LRRC28: variants seen among roughly 807,000 people sequenced by gnomAD.
LRRC28 encodes leucine-rich repeat-containing protein 28.
In LRRC28, 39 loss-of-function variants were observed where a neutral mutation model predicts 45.7. That is an observed-to-expected ratio of 0.85 (90% CI 0.66 to 1.12). The LOEUF is 1.12. LRRC28 is among the 50% of genes most tolerant of loss of function. The pLI is 0.00. For synonymous variants in LRRC28, 206 were observed against 178.8 expected, an observed-to-expected ratio of 1.15 and a Z score of -1.22; for missense variants, 435 against 438.5, an observed-to-expected ratio of 0.99 and a Z score of 0.07.
At position 99,386,646 on chromosome 15, in the gene LRRC28, T is replaced by C. The variant is rs1958001074; in HGVS notation, c.*544T>C. On this transcript the variant is annotated 3_prime_UTR_variant, in exon 10 of 10. Transcript: ENST00000301981. ...AGTTGGCAGCAAAGTGAGGCTCCCA[T>C]GGAGGCTCAGTGAGGGTCCCAGAGC... The C allele has an allele frequency of 6.5e-6, 1 of 152,774 alleles. No homozygotes were observed. The highest frequency in any genetic ancestry group is 1.5e-5 in the Non-Finnish European group (1 of 68,530). 9.5% of individuals were successfully genotyped at this position (152,774 alleles called of 1,614,324 possible). A position where few individuals can be genotyped will look rare whatever the true frequency, so the allele number is the denominator to read the frequency against.
At chr15:99,308,736 G>A (rs1177067552) in intron 5 of LRRC28, among the ~76,000 whole-genome samples, 1 of 152,132 alleles carries the variant, frequency 6.6e-6, no homozygotes, top group African/African-American at 2.4e-5. Context: ...ATTTATCTCT[G>A]CATAACAAAT....
At chr15:99,335,985 T>C (rs932402516) in intron 6 of LRRC28, among the ~76,000 whole-genome samples, 1 of 152,214 alleles carries the variant, frequency 6.6e-6, no homozygotes, top group Admixed American at 6.5e-5. Context: ...GGCTTGACTT[T>C]CAGACGTTAC....
chr15:99,337,714 T>G (rs189616982), intron 6 of LRRC28: 1 of 152,346 alleles, frequency 6.6e-6, no homozygotes, highest in East Asian at 1.9e-4. Flanking sequence ...TTATGGCAGT[T>G]GAAGTAACCA....
Position 99,290,545 on chromosome 15 carries a change from A to G in LRRC28, c.385+2594A>G, listed in dbSNP as rs146531124. Among the ~76,000 whole-genome samples, 367 of 152,248 alleles carry G rather than the reference A, an allele frequency of 2.4e-3. 1 individual carries two copies. The highest frequency in any genetic ancestry group is 8.3e-3 in the African/African-American group (346 of 41,518). ...TGTATCAGTAAAGATAATACTTTAC[A>G]TTTTCCTAACATTTTCCTATATGAA... On this transcript the variant is annotated intron_variant, in intron 5 of 9. Coordinates refer to ENST00000301981, the MANE Select transcript of LRRC28 (RefSeq NM_144598.5).
intron 6 of LRRC28, among the ~76,000 whole-genome samples, chr15:99,343,313 C>G (rs552811670): frequency 4.9e-4 from 75 of 152,216 alleles, no homozygotes; most frequent in Non-Finnish European, 9.0e-4. Context: ...CCTGTTCTGT[C>G]CTCTCCTGTG....
At chr15:99,270,539 G>A (rs568472486) in intron 2 of LRRC28, among the ~76,000 whole-genome samples, 25 of 150,650 alleles carry the variant, frequency 1.7e-4, no homozygotes, top group African/African-American at 5.6e-4. Context: ...GAAACTTTGT[G>A]TATCTGGCTT....
chr15:99,346,247 G>A (rs1029984867), intron 6 of LRRC28, among the ~76,000 whole-genome samples: 5 of 152,134 alleles, frequency 3.3e-5, no homozygotes, highest in Non-Finnish European at 5.9e-5. Flanking sequence ...TGCAGTTGTG[G>A]CTCAGTACAG....
chr15:99,330,647 A>G lies in LRRC28; in HGVS notation c.386-3276A>G, dbSNP rs190731091. Among the ~76,000 whole-genome samples, 33 of 152,166 alleles carry G rather than the reference A, an allele frequency of 2.2e-4. No homozygotes were observed. The East Asian group carries it at 6.4e-3, about 29-fold the overall frequency. The stretch of plus-strand genomic sequence containing the variant: ...AAAGTGTATTTCTTATGGATAGCAT[A>G]TTGTTTTTTATGCGGTTGACAGCCT... On this transcript the variant is annotated intron_variant, in intron 5 of 9. Coordinates refer to ENST00000301981, the MANE Select transcript of LRRC28 (RefSeq NM_144598.5).
At chr15:99,330,055 A>C (rs1161350335) in intron 5 of LRRC28, among the ~76,000 whole-genome samples, 1 of 152,202 alleles carries the variant, frequency 6.6e-6, no homozygotes, top group Non-Finnish European at 1.5e-5. Flanking sequence ...AACCCTCTTT[A>C]TAAAATAAAT....
chr15:99,336,374 A>C (rs1567674157), intron 6 of LRRC28, among the ~76,000 whole-genome samples: 3 of 152,208 alleles, frequency 2.0e-5, no homozygotes. Flanking sequence ...GTCTGATTCT[A>C]AACCTACATT....
intron 5 of LRRC28, among the ~76,000 whole-genome samples, chr15:99,288,833 C>G (rs940168823): frequency 1.3e-5 from 2 of 152,098 alleles, no homozygotes; most frequent in Non-Finnish European, 2.9e-5. Flanking sequence ...GCACGTGAAG[C>G]CATGCCTGGC....
In LRRC28 at chr15:99,282,177, G is replaced by GTTTT. The variant is rs766338889; in HGVS notation, c.210-5069_210-5066dup. Among the ~76,000 whole-genome samples, 11 of 98,058 alleles carry GTTTT rather than the reference G, an allele frequency of 1.1e-4. 1 individual carries two copies. The highest frequency in any genetic ancestry group is 3.8e-4 in the African/African-American group (8 of 20,780). The allele number at this position is 98,058 out of a possible 152,430, so 64.3% of individuals were successfully genotyped here. ...GGATTCCTTATGCAAATTTTTGGAG[G>GTTTT]TTTTTTTTTTTTTTGTAGCAGTAGC... On this transcript the variant is annotated intron_variant, in intron 3 of 9. Transcript: ENST00000301981.
chr15:99,309,380 T>G (rs1488599623), intron 5 of LRRC28, among the ~76,000 whole-genome samples: 1 of 52,222 alleles, frequency 1.9e-5, no homozygotes, highest in Non-Finnish European at 3.6e-5. Flanking sequence ...AGTCTTTATT[T>G]GTGTGTGGCA....
intron 5 of LRRC28, among the ~76,000 whole-genome samples, chr15:99,321,835 T>C (rs1319726575): frequency 1.3e-5 from 2 of 152,222 alleles, no homozygotes; most frequent in African/African-American, 2.4e-5. Flanking sequence ...CCTGTTCTTA[T>C]GAAATTTATT....
chr15:99,256,080 G>A lies in LRRC28; in HGVS notation c.123G>A (p.Gln41=). The A allele has an allele frequency of 1.2e-6, 2 of 1,613,640 alleles. No individual in the cohort carries two copies. The highest frequency in any genetic ancestry group is 1.7e-6 in the Non-Finnish European group (2 of 1,179,742). ...AGTTACTGAAAGATGAGGGACTGCAGTACTTGGAGAGACTCTATATGAAAA... is the reference window on the plus strand; with the variant it reads ...AGTTACTGAAAGATGAGGGACTGCAATACTTGGAGAGACTCTATATGAAAA... ...PLELLKDEGL[Q]YLERLYMKRN... The change falls in exon 2 of 10, where the codon CAG becomes CAA. Residue 41 remains glutamine, a synonymous_variant. Transcript: ENST00000301981.
intron 5 of LRRC28, among the ~76,000 whole-genome samples, chr15:99,290,872 C>T (rs1019705304): frequency 9.2e-5 from 14 of 152,070 alleles, no homozygotes; most frequent in East Asian, 5.8e-4. Context: ...GAGGCTGGGG[C>T]GGGAGAATCT....
At chr15:99,258,829 G>T in intron 2 of LRRC28, 2 of 699,530 alleles carry the variant, frequency 2.9e-6, no homozygotes, top group Non-Finnish European at 2.7e-6. Flanking sequence ...GATCTAAAAA[G>T]AGCGATTACA....
chr15:99,299,276 A>G (rs2082339265), intron 5 of LRRC28, among the ~76,000 whole-genome samples: 1 of 152,156 alleles, frequency 6.6e-6, no homozygotes. Flanking sequence ...TTCTACCTTG[A>G]TTTCAATATA....
intron 5 of LRRC28, among the ~76,000 whole-genome samples, chr15:99,297,077 A>G (rs2082283468): frequency 6.6e-6 from 1 of 150,904 alleles, no homozygotes; most frequent in Non-Finnish European, 1.5e-5. Flanking sequence ...GCTATTCCGG[A>G]GGCTGAGGCA....
Sources: allele counts gnomAD v4.1 joint callset (sites outside exome capture counted in the v4.1 genomes callset), GRCh38; gene constraint gnomAD v4.1.1; transcripts MANE v1.5; gene names NCBI Gene and HGNC (gene_info 2026-07-23, HGNC 2026-07-21).